Variants in ZSWIM4 observed in about 807,000 individuals in gnomAD.
ZSWIM4 encodes the protein zinc finger SWIM domain-containing protein 4.
A neutral mutation model predicts 102.5 loss-of-function variants in ZSWIM4; 62 were observed. That is an observed-to-expected ratio of 0.60 (90% CI 0.49 to 0.75). The LOEUF is 0.75. ZSWIM4 is among the 30% of genes least tolerant of loss of function. ZSWIM4 has a pLI of 0.00. For synonymous variants in ZSWIM4, 652 were observed against 674.5 expected (o/e 0.97, Z 0.52); for missense variants, 1,280 against 1,529.6 (o/e 0.84, Z 2.72).
chr19:13,826,588 A>G (rs1975617179), intron 12 of ZSWIM4, among the ~76,000 whole-genome samples: 1 of 151,842 alleles, frequency 6.6e-6, no homozygotes. Flanking sequence ...AACATGATGA[A>G]ACTCCGTCTC....
chr19:13,823,573 T>C lies in ZSWIM4; in HGVS notation c.2215+73T>C. On this transcript the variant is annotated intron_variant, in intron 11 of 13. Transcript: ENST00000590508. The stretch of plus-strand genomic sequence containing the variant: ...CTCCTTCTTCCTTCCCTCTTAACTT[T>C]CCTGCCTCCTCTTATCCTTTCACAA... The C allele has an allele frequency of 4.0e-6, 6 of 1,498,686 alleles. No individual in the cohort carries two copies. The Admixed American group carries it at 1.2e-4, about 31-fold the overall frequency. 92.8% of individuals were successfully genotyped at this position (1,498,686 alleles called of 1,614,324 possible).
intron 1 of ZSWIM4, among the ~76,000 whole-genome samples, chr19:13,797,392 C>T (rs746395190): frequency 3.9e-5 from 6 of 152,176 alleles, no homozygotes; most frequent in Non-Finnish European, 4.4e-5. Context: ...AACTGAGGAA[C>T]GACAGAGTCT....
At chr19:13,796,334 CT>C (rs372588491) in intron 1 of ZSWIM4, among the ~76,000 whole-genome samples, 66 of 152,234 alleles carry the variant, frequency 4.3e-4, no homozygotes, top group African/African-American at 1.6e-3. Context: ...CCATCGTAGC[CT>C]CTAGAGACTC....
rs769702362 is a variant in ZSWIM4 at position 13,830,324 on chromosome 19, G to A, written c.2595G>A (p.Arg865=). The part of the protein sequence containing the change: ...LLRLQLDTSR[R]EELWACARTL... Reference sequence around the variant, plus strand: ...GACTGCAGCTGGACACATCGCGGAGGGAGGAGCTCTGGGCCTGCGCCCGCA... The same window carrying A: ...GACTGCAGCTGGACACATCGCGGAGAGAGGAGCTCTGGGCCTGCGCCCGCA... The change falls in exon 14 of 14, where the codon AGG becomes AGA. Residue 865 remains arginine, a synonymous_variant. Coordinates refer to ENST00000590508, the MANE Select transcript of ZSWIM4 (RefSeq NM_001367834.3). 4 of 1,613,472 alleles carry A rather than the reference G, an allele frequency of 2.5e-6. No individual in the cohort carries two copies. The highest frequency in any genetic ancestry group is 2.5e-6 in the Non-Finnish European group (3 of 1,180,028).
Position 13,806,459 on chromosome 19 carries a change from C to A in ZSWIM4, c.712+1311C>A, listed in dbSNP as rs549460761. Among the ~76,000 whole-genome samples the A allele has an allele frequency of 5.0e-3, 767 of 152,052 alleles. 1 individual carries two copies. The highest frequency in any genetic ancestry group is 7.9e-3 in the Non-Finnish European group (539 of 67,970). On this transcript the variant is annotated intron_variant, in intron 3 of 13. Coordinates refer to ENST00000590508, the MANE Select transcript of ZSWIM4 (RefSeq NM_001367834.3). ...AGGAAGGAGGATCACTCGAGACCAG[C>A]AGTTCAAGACCGGCCTGGGCAAAAT... is the stretch of plus-strand genomic sequence containing the variant.
intron 7 of ZSWIM4, 147 bp downstream of exon 7, chr19:13,815,012 A>T (rs79290259): frequency 2.8e-6 from 1 of 356,572 alleles, no homozygotes; most frequent in Non-Finnish European, 4.7e-6. Flanking sequence ...AAAAAAAAAA[A>T]TTAGCTGGAT....
At chr19:13,826,850 CA>C (rs771856474) in intron 12 of ZSWIM4, among the ~76,000 whole-genome samples, 13 of 152,102 alleles carry the variant, frequency 8.5e-5, no homozygotes, top group Non-Finnish European at 1.9e-4. Flanking sequence ...GGTGGTCCTG[CA>C]AGGCCAAATC....
At chr19:13,824,309 C>T (rs1457449371) in intron 11 of ZSWIM4, among the ~76,000 whole-genome samples, 1 of 152,194 alleles carries the variant, frequency 6.6e-6, no homozygotes, top group Non-Finnish European at 1.5e-5. Context: ...TGCCTGTAAT[C>T]CCAGCACTTT....
At position 13,825,133 on chromosome 19, in the gene ZSWIM4, G is replaced by C. The variant is rs1045935352; in HGVS notation, c.2216-417G>C. On this transcript the variant is annotated intron_variant, in intron 11 of 13. Coordinates refer to ENST00000590508, the MANE Select transcript of ZSWIM4 (RefSeq NM_001367834.3). The surrounding 1 kb of genome is among the most constrained non-coding windows in gnomAD (Gnocchi z 4.6). ...CAGCTGACTGCAACCTCTGCCTCCC[G>C]GGTTCAAGCGATTCTCGTGCCTCAT... Among the ~76,000 whole-genome samples, 2 of 151,102 alleles carry C rather than the reference G, an allele frequency of 1.3e-5. No homozygotes were observed. Among genetic ancestry groups the C allele is most frequent in the Non-Finnish European group, 2.9e-5 (2 of 67,852 alleles).
chr19:13,819,834 ATTTTTGT>A (rs1206722524), intron 10 of ZSWIM4, among the ~76,000 whole-genome samples: 2 of 130,962 alleles, frequency 1.5e-5, no homozygotes, highest in African/African-American at 5.9e-5. Flanking sequence ...TGCCCAGCTA[ATTTTTGT>A]TTTTTGTTTT....
At chr19:13,812,130 G>A (rs1024823246) in intron 5 of ZSWIM4, among the ~76,000 whole-genome samples, 6 of 152,040 alleles carry the variant, frequency 3.9e-5, no homozygotes, top group South Asian at 2.1e-4. Context: ...AAATCTTAGC[G>A]TGCAGGCTAA....
intron 9 of ZSWIM4, 95 bp from the exon 10 acceptor site, chr19:13,819,262 G>T: frequency 6.5e-7 from 1 of 1,532,846 alleles, no homozygotes; most frequent in African/African-American, 1.4e-5. Context: ...CCAGGGGCCA[G>T]CCCACCCTCT....
In ZSWIM4 at chr19:13,812,623, C is replaced by CTTTTTT. The variant is rs545020943; in HGVS notation, c.1013-362_1013-357dup. ...TACAGGCACCCACAATCATGCCTGG[C>CTTTTTT]TTTTTTTTTTTTTTTTTGGTATTTT... On this transcript the variant is annotated intron_variant, in intron 5 of 13. Coordinates refer to ENST00000590508, the MANE Select transcript of ZSWIM4 (RefSeq NM_001367834.3). Among the ~76,000 whole-genome samples, 940 of 130,316 alleles carry CTTTTTT rather than the reference C, an allele frequency of 7.2e-3. 12 individuals carry two copies. The highest frequency in any genetic ancestry group is 0.026 in the African/African-American group (902 of 34,754). The allele number at this position is 130,316 out of a possible 152,430, so 85.5% of individuals were successfully genotyped here.
chr19:13,816,439 C>A (rs971791137), intron 7 of ZSWIM4, among the ~76,000 whole-genome samples: 4 of 152,008 alleles, frequency 2.6e-5, no homozygotes, highest in Non-Finnish European at 5.9e-5. Flanking sequence ...GCCTGGCCAA[C>A]ATAGTGAAAC....
chr19:13,809,257 A>T lies in ZSWIM4; in HGVS notation c.1012+37A>T. The T allele has an allele frequency of 1.3e-6, 2 of 1,562,054 alleles. No homozygotes were observed. ...ACCCCGGTGCGTGGTGGACACCGGGACTTCGGCTCCCATGGGGGCTGGCCC... is the reference window on the plus strand; with the variant it reads ...ACCCCGGTGCGTGGTGGACACCGGGTCTTCGGCTCCCATGGGGGCTGGCCC... On this transcript the variant is annotated intron_variant, in intron 5 of 13. Transcript: ENST00000590508. The surrounding 1 kb of genome is among the most constrained non-coding windows in gnomAD (Gnocchi z 4.2).
intron 2 of ZSWIM4, among the ~76,000 whole-genome samples, chr19:13,801,203 G>A (rs536369326): frequency 9.9e-5 from 15 of 152,192 alleles, no homozygotes; most frequent in African/African-American, 3.4e-4. Flanking sequence ...GACAAGGGTA[G>A]AGGTTGAGAC....
chr19:13,818,123 T>C, intron 9 of ZSWIM4, 147 bp downstream of exon 9: 1 of 1,332,448 alleles, frequency 7.5e-7, no homozygotes, highest in East Asian at 2.9e-5. Context: ...CCTCATACCT[T>C]GGCAGTTTCT....
At chr19:13,813,187 A>T (rs754717412) in intron 6 of ZSWIM4, 23 bp downstream of exon 6, 1 of 1,582,662 alleles carries the variant, frequency 6.3e-7, no homozygotes, top group Non-Finnish European at 8.6e-7. Context: ...GGTCTTTACC[A>T]TGCCCCCCAA....
chr19:13,823,459 G>A lies in ZSWIM4; in HGVS notation c.2174G>A (p.Arg725His), dbSNP rs151198284. Residue 725 changes from arginine to histidine, a missense_variant, in exon 11 of 14, where the codon CGC (arginine) becomes CAC (histidine). Coordinates refer to ENST00000590508, the MANE Select transcript of ZSWIM4 (RefSeq NM_001367834.3). Reference protein sequence around the residue: ...RWFILGHLETRQCELASTMLT... With the variant: ...RWFILGHLETHQCELASTMLT... The stretch of plus-strand genomic sequence containing the variant: ...TTCATCCTTGGCCACCTGGAGACCC[G>A]CCAGTGTGAACTGGCTTCCACCATG... The A allele has an allele frequency of 4.5e-5, 72 of 1,590,292 alleles. No individual in the cohort carries two copies. The highest frequency in any genetic ancestry group is 6.7e-5 in the African/African-American group (5 of 74,166).
Sources: allele counts gnomAD v4.1 joint callset (sites outside exome capture counted in the v4.1 genomes callset), GRCh38; gene constraint gnomAD v4.1.1; non-coding constraint Gnocchi (gnomAD v3.1); transcripts MANE v1.5; gene names NCBI Gene and HGNC (gene_info 2026-07-23, HGNC 2026-07-21).